Variants in KIAA1328 observed in about 807,000 individuals in gnomAD.
The protein encoded by KIAA1328 is KIAA1328.
Under a neutral mutation model 68.1 loss-of-function variants are expected in KIAA1328, and 52 were observed. The observed-to-expected ratio is 0.76, with a 90% CI of 0.61 to 0.96. KIAA1328 has a LOEUF of 0.96. KIAA1328 is among the 40% of genes least tolerant of loss of function. The pLI, the probability that KIAA1328 is intolerant of heterozygous loss-of-function variation, is 0.00. For missense variants in KIAA1328, 641 were observed against 677.6 expected, an observed-to-expected ratio of 0.95 and a Z score of 0.60; for synonymous variants, 232 against 239.4, an observed-to-expected ratio of 0.97 and a Z score of 0.28.
chr18:36,971,353 A>G lies in KIAA1328; in HGVS notation c.576+11918A>G, dbSNP rs181507164. Among the ~76,000 whole-genome samples the G allele has an allele frequency of 1.2e-4, 18 of 152,330 alleles. 1 individual carries two copies. Among genetic ancestry groups the G allele is most frequent in the Admixed American group, 7.2e-4 (11 of 15,296 alleles). ...TAAAACCATAAAAACCCTAGAAGAA[A>G]ACCTAGGTAATACCATTCACGACAT... On this transcript the variant is annotated intron_variant, in intron 6 of 9. Transcript: ENST00000280020.
At position 37,066,876 on chromosome 18, in the gene KIAA1328, G is replaced by C. The variant is rs767448738; in HGVS notation, c.577-14G>C. On this transcript the variant is annotated splice_polypyrimidine_tract_variant and intron_variant, in intron 6 of 9. Transcript: ENST00000280020. ...GTGTTCTTATTTGACAGGTGATCTTGTGGTTCTTTCTAGGTATCCAGTAGA... is the reference window on the plus strand; with the variant it reads ...GTGTTCTTATTTGACAGGTGATCTTCTGGTTCTTTCTAGGTATCCAGTAGA... The C allele has an allele frequency of 1.3e-6, 2 of 1,546,614 alleles. No homozygotes were observed. Among genetic ancestry groups the C allele is most frequent in the Non-Finnish European group, 1.7e-6 (2 of 1,148,340 alleles).
At chr18:37,084,062 A>G (rs938832177) in intron 7 of KIAA1328, 40 of 984,880 alleles carry the variant, frequency 4.1e-5, no homozygotes, top group Non-Finnish European at 5.0e-5. Context: ...TGGTTTTCCA[A>G]AATTTATCAT....
At chr18:36,885,961 C>T (rs149340082) in intron 5 of KIAA1328, 53,789 of 353,508 alleles carry the variant, frequency 0.15, 4,877 homozygotes, top group Non-Finnish European at 0.19. Flanking sequence ...AGGTGATCTG[C>T]CTGCCTTGGC....
intron 6 of KIAA1328, among the ~76,000 whole-genome samples, chr18:37,060,172 T>A (rs1017908121): frequency 1.3e-5 from 2 of 151,976 alleles, no homozygotes; most frequent in South Asian, 4.2e-4. Flanking sequence ...ATAATAATAA[T>A]AAATAGCCTA....
chr18:36,949,768 G>A (rs1396858539), intron 5 of KIAA1328, among the ~76,000 whole-genome samples: 1 of 151,958 alleles, frequency 6.6e-6, no homozygotes, highest in Non-Finnish European at 1.5e-5. Flanking sequence ...AGTCTGAGTG[G>A]GTCACTTGAG....
At chr18:36,841,641 T>C (rs1303901993) in intron 3 of KIAA1328, among the ~76,000 whole-genome samples, 1 of 152,170 alleles carries the variant, frequency 6.6e-6, no homozygotes, top group Non-Finnish European at 1.5e-5. Context: ...TTTTGCAGGC[T>C]GTAACATCTG....
chr18:36,933,739 A>C (rs1047794944), intron 5 of KIAA1328, among the ~76,000 whole-genome samples: 1 of 152,216 alleles, frequency 6.6e-6, no homozygotes, highest in African/African-American at 2.4e-5. Flanking sequence ...CAGATAAAGC[A>C]TCCAGGCTGG....
chr18:37,213,593 G>C (rs1200703109), intron 9 of KIAA1328, among the ~76,000 whole-genome samples: 1 of 152,166 alleles, frequency 6.6e-6, no homozygotes, highest in Non-Finnish European at 1.5e-5. Flanking sequence ...ATTGTGAATA[G>C]TGCTGCAATA....
At chr18:37,216,914 TTTGTC>T (rs2060448667) in intron 9 of KIAA1328, among the ~76,000 whole-genome samples, 1 of 150,688 alleles carries the variant, frequency 6.6e-6, no homozygotes, top group African/African-American at 2.4e-5. Context: ...TTTTTTTTTT[TTTGTC>T]TTTGTTGGTT....
intron 6 of KIAA1328, among the ~76,000 whole-genome samples, chr18:37,035,605 TAGAGA>T (rs920289183): frequency 5.1e-4 from 78 of 152,246 alleles, no homozygotes; most frequent in Admixed American, 1.6e-3. Context: ...CATTAGAAAA[TAGAGA>T]AGAGTCTCCA....
chr18:37,092,065 C>T (rs774243003), intron 7 of KIAA1328, among the ~76,000 whole-genome samples: 1 of 152,114 alleles, frequency 6.6e-6, no homozygotes, highest in Non-Finnish European at 1.5e-5. Context: ...GCATGCCATC[C>T]GGTAGCCTGG....
intron 9 of KIAA1328, among the ~76,000 whole-genome samples, chr18:37,184,945 C>T (rs968306247): frequency 1.4e-4 from 21 of 151,898 alleles, no homozygotes; most frequent in African/African-American, 4.4e-4. Flanking sequence ...GGGCGGATCA[C>T]GAGGTCAGGA....
Position 36,882,259 on chromosome 18 carries a change from A to G in KIAA1328, c.333-3298A>G, listed in dbSNP as rs191782483. The stretch of plus-strand genomic sequence containing the variant: ...TGAGGACTAACTATTGTGCTTTAAA[A>G]TGAGATACAGAATTAGGTCTTTTTA... On this transcript the variant is annotated intron_variant, in intron 4 of 9. Coordinates refer to ENST00000280020, the MANE Select transcript of KIAA1328 (RefSeq NM_020776.3). Among the ~76,000 whole-genome samples the G allele has an allele frequency of 3.9e-5, 6 of 152,362 alleles. No individual in the cohort carries two copies. The East Asian group carries it at 1.2e-3, about 29-fold the overall frequency.
Position 36,959,427 on chromosome 18 carries a change from G to A in KIAA1328, c.568G>A (p.Glu190Lys). Reference sequence around the variant, plus strand: ...AGAACTTGGTGCTGCTAGAATGCAGGAACAGCAGGTAAGCATCTTTAATTT... The same window carrying A: ...AGAACTTGGTGCTGCTAGAATGCAGAAACAGCAGGTAAGCATCTTTAATTT... Reference protein sequence around the residue: ...LSELGAARMQEQQVSSRKSTL... With the variant: ...LSELGAARMQKQQVSSRKSTL... Residue 190 changes from glutamate to lysine, a missense_variant, in exon 6 of 10, where the codon GAA becomes AAA. Physicochemically the swap from Glu to Lys is moderately conservative, Grantham distance 56 (BLOSUM62 1). Transcript: ENST00000280020. 6.2e-7 allele frequency: 1 copy of A among 1,608,712 alleles called. No homozygotes were observed. Among genetic ancestry groups the A allele is most frequent in the Non-Finnish European group, 8.5e-7 (1 of 1,178,252 alleles).
At chr18:36,854,459 A>G (rs2150857628) in intron 4 of KIAA1328, among the ~76,000 whole-genome samples, 1 of 152,242 alleles carries the variant, frequency 6.6e-6, no homozygotes, top group South Asian at 2.1e-4. Context: ...TGACTCTTGT[A>G]TTTACTTATC....
chr18:36,917,582 C>A (rs1466323757), intron 5 of KIAA1328, among the ~76,000 whole-genome samples: 1 of 152,128 alleles, frequency 6.6e-6, no homozygotes, highest in East Asian at 1.9e-4. Context: ...CTCTTGTTTT[C>A]TGAAATTGGG....
chr18:37,195,177 C>A (rs998742212), intron 9 of KIAA1328, among the ~76,000 whole-genome samples: 1 of 152,104 alleles, frequency 6.6e-6, no homozygotes, highest in South Asian at 2.1e-4. Flanking sequence ...CCCTACTGTG[C>A]TATTGAATAC....
intron 4 of KIAA1328, among the ~76,000 whole-genome samples, chr18:36,845,208 G>T (rs771086739): frequency 2.0e-5 from 3 of 151,758 alleles, no homozygotes; most frequent in Non-Finnish European, 3.0e-5. Flanking sequence ...GTCTGAATTT[G>T]ATATGCTACC....
intron 7 of KIAA1328, among the ~76,000 whole-genome samples, chr18:37,147,548 T>A (rs2058929428): frequency 6.6e-6 from 1 of 152,164 alleles, no homozygotes. Context: ...TTTTATGCTT[T>A]GTGAGGGCAG....
Sources: gnomAD v4.1 joint callset for allele counts (sites outside exome capture counted in the v4.1 genomes callset) on GRCh38, gnomAD v4.1.1 for gene constraint, MANE v1.5 for transcripts, NCBI Gene and HGNC (gene_info 2026-07-23, HGNC 2026-07-21) for gene names.